ADAMTS3: variants seen among roughly 807,000 people sequenced by gnomAD.
The protein encoded by ADAMTS3 is ADAM metallopeptidase with thrombospondin type 1 motif 3.
Under a neutral mutation model 129.0 loss-of-function variants are expected in ADAMTS3, and 73 were observed. The observed-to-expected ratio is 0.57, with a 90% confidence interval of 0.47 to 0.69. The LOEUF (loss-of-function observed/expected upper bound fraction) is 0.69, where lower values mean the gene tolerates loss of function less well. ADAMTS3 is among the 30% of genes least tolerant of loss of function. ADAMTS3 has a pLI of 0.00. For synonymous variants in ADAMTS3, 477 were observed against 510.8 expected (o/e 0.93, Z 0.89); for missense variants, 1,457 against 1,514.5 (o/e 0.96, Z 0.63).
chr4:72,291,367 C>T (rs1160732324), intron 19 of ADAMTS3, among the ~76,000 whole-genome samples: 1 of 151,638 alleles, frequency 6.6e-6, no homozygotes, highest in Non-Finnish European at 1.5e-5. Flanking sequence ...CATCATTTAG[C>T]ATTAGGTATA....
intron 2 of ADAMTS3, among the ~76,000 whole-genome samples, chr4:72,552,961 A>G (rs1388271837): frequency 2.6e-5 from 4 of 152,196 alleles, no homozygotes; most frequent in Non-Finnish European, 4.4e-5. Context: ...ATGAAGGCAG[A>G]AGATTTTATC....
At chr4:72,523,607 C>G (rs917844486) in intron 3 of ADAMTS3, among the ~76,000 whole-genome samples, 7 of 151,944 alleles carry the variant, frequency 4.6e-5, no homozygotes, top group Non-Finnish European at 1.0e-4. Context: ...TAAAACTTTT[C>G]CATAGTTTTT....
rs962433990 is a variant in ADAMTS3, at chr4:72,322,381, C to A, written c.945+633G>T. Among the ~76,000 whole-genome samples, 6 of 152,228 alleles carry A rather than the reference C, an allele frequency of 3.9e-5. No individual in the cohort carries two copies. In the South Asian group the frequency reaches 1.2e-3, roughly 32 times the overall value. ...AAGAAAGTTGTCAGGCTAGTCGTTT[C>A]CTGTATGTTTCCTCCTTAAAGGAGC... On this transcript the variant is annotated intron_variant, in intron 6 of 21. Transcript: ENST00000286657.
intron 4 of ADAMTS3, among the ~76,000 whole-genome samples, chr4:72,373,979 T>G (rs1296147433): frequency 6.6e-6 from 1 of 151,192 alleles, no homozygotes; most frequent in African/African-American, 2.4e-5. Context: ...TTGATAATGT[T>G]GTAGGTATTA....
chr4:72,459,468 T>C (rs991470433), intron 3 of ADAMTS3, among the ~76,000 whole-genome samples: 1 of 151,586 alleles, frequency 6.6e-6, no homozygotes, highest in South Asian at 2.1e-4. Context: ...AGAATCATGA[T>C]TAAGAGCGTG....
intron 3 of ADAMTS3, among the ~76,000 whole-genome samples, chr4:72,530,875 T>C (rs1040328008): frequency 7.5e-6 from 1 of 133,376 alleles, no homozygotes; most frequent in African/African-American, 2.8e-5. Flanking sequence ...ATATATTATA[T>C]ATGCTCTTTA....
intron 3 of ADAMTS3, among the ~76,000 whole-genome samples, chr4:72,431,459 A>C (rs914530233): frequency 2.0e-5 from 3 of 151,996 alleles, no homozygotes; most frequent in Non-Finnish European, 2.9e-5. Context: ...ACATGATGCC[A>C]CAAGTAAAAA....
chr4:72,379,375 G>A (rs926838440), intron 4 of ADAMTS3, among the ~76,000 whole-genome samples: 2 of 151,184 alleles, frequency 1.3e-5, no homozygotes, highest in East Asian at 1.9e-4. Context: ...TACTTCACGC[G>A]CTGGACTTCC....
intron 2 of ADAMTS3, among the ~76,000 whole-genome samples, chr4:72,556,582 T>C (rs1721773347): frequency 6.6e-6 from 1 of 151,782 alleles, no homozygotes; most frequent in Non-Finnish European, 1.5e-5. Context: ...TTGATGCATA[T>C]GGCTCCAAGC....
intron 17 of ADAMTS3, 76 bp from the exon 18 acceptor site, chr4:72,298,518 G>C: frequency 8.7e-7 from 1 of 1,152,472 alleles, no homozygotes; most frequent in Non-Finnish European, 1.2e-6. Flanking sequence ...AAATATTTCA[G>C]AATATTGCTC....
chr4:72,369,837 G>A lies in ADAMTS3; in HGVS notation c.662-30144C>T, dbSNP rs138014296. On this transcript the variant is annotated intron_variant, in intron 4 of 21. Coordinates refer to ENST00000286657, the MANE Select transcript of ADAMTS3 (RefSeq NM_014243.3). ...ACACAAAAACAAGAAATTGTATAGCGTTTAACTGACATTCTTAAAAGCAGG... is the reference window on the plus strand; with the variant it reads ...ACACAAAAACAAGAAATTGTATAGCATTTAACTGACATTCTTAAAAGCAGG... Among the ~76,000 whole-genome samples, 141 of 151,618 alleles carry A rather than the reference G, an allele frequency of 9.3e-4. 1 individual carries two copies. The highest frequency in any genetic ancestry group is 3.1e-3 in the African/African-American group (128 of 41,296).
intron 3 of ADAMTS3, among the ~76,000 whole-genome samples, chr4:72,541,681 T>C (rs1393168823): frequency 6.6e-6 from 1 of 152,150 alleles, no homozygotes; most frequent in East Asian, 1.9e-4. Context: ...ATAGTGAATA[T>C]GTCTCATGAG....
chr4:72,344,093 G>A (rs1720210634), intron 4 of ADAMTS3, among the ~76,000 whole-genome samples: 1 of 152,022 alleles, frequency 6.6e-6, no homozygotes, highest in South Asian at 2.1e-4. Context: ...ATTTTTGAGA[G>A]GCATATAGGT....
intron 14 of ADAMTS3, among the ~76,000 whole-genome samples, chr4:72,309,796 A>G (rs541940487): frequency 1.3e-5 from 2 of 152,244 alleles, no homozygotes; most frequent in South Asian, 4.1e-4. Flanking sequence ...CACACATGTA[A>G]TGAAAACAGA....
At chr4:72,529,815 A>G (rs1206124603) in intron 3 of ADAMTS3, among the ~76,000 whole-genome samples, 1 of 91,932 alleles carries the variant, frequency 1.1e-5, no homozygotes, top group Admixed American at 1.9e-4. Context: ...TATTATATAT[A>G]ATAATACATA....
Position 72,567,391 on chromosome 4 carries a change from T to C in ADAMTS3, c.80A>G (p.Glu27Gly). ...AAGCTTACCTATTTGCACCATTTCT[T>C]CATTACCAGCCTGGAAAGGAGGGGG... ...RTSADGQAGN[E>G]EMVQIDLPIK... is the part of the protein sequence containing the mutation. The change falls in exon 2 of 22, where the codon GAA becomes GGA. Residue 27 changes from glutamate to glycine, a missense_variant. Physicochemically the swap from Glu to Gly is moderately conservative, Grantham distance 98. Transcript: ENST00000286657. 1 of 1,600,690 alleles carries C rather than the reference T, an allele frequency of 6.2e-7. No homozygotes were observed. Among genetic ancestry groups the C allele is most frequent in the Non-Finnish European group, 8.5e-7 (1 of 1,174,058 alleles).
chr4:72,332,370 C>A (rs1719873023), intron 5 of ADAMTS3, among the ~76,000 whole-genome samples: 2 of 152,076 alleles, frequency 1.3e-5, no homozygotes, highest in African/African-American at 4.8e-5. Context: ...ATTTTCTTTA[C>A]AAATATTGGT....
intron 3 of ADAMTS3, among the ~76,000 whole-genome samples, chr4:72,473,064 C>T (rs1279492075): frequency 6.6e-6 from 1 of 151,952 alleles, no homozygotes; most frequent in East Asian, 1.9e-4. Flanking sequence ...ACAAAACAAA[C>T]GATAATTTAA....
At chr4:72,324,000 T>TA (rs147863891) in intron 5 of ADAMTS3, among the ~76,000 whole-genome samples, 4,016 of 151,986 alleles carry the variant, frequency 0.026, 187 homozygotes, top group African/African-American at 0.093. Context: ...TTAGTGCAAA[T>TA]AAAAAATGCT....
Sources: gnomAD v4.1 joint callset for allele counts (sites outside exome capture counted in the v4.1 genomes callset) on GRCh38, gnomAD v4.1.1 for gene constraint, MANE v1.5 for transcripts, NCBI Gene and HGNC (gene_info 2026-07-23, HGNC 2026-07-21) for gene names.